The following SPARC variants were observed in gnomAD, a reference collection of about 807,000 sequenced individuals.
SPARC encodes the protein secreted protein acidic and cysteine rich, also known as basement-membrane protein 40.
Under a neutral mutation model 37.7 loss-of-function variants are expected in SPARC, and 23 were observed. That is an observed-to-expected ratio of 0.61 (90% CI 0.44 to 0.87). SPARC has a LOEUF of 0.87. Among genes scored for constraint, SPARC ranks in the 40% least tolerant of loss-of-function variants. The pLI is 0.00. For missense variants in SPARC, 312 were observed against 389.0 expected (o/e 0.80, Z 1.66); for synonymous variants, 155 against 150.8 (o/e 1.03, Z -0.20).
intron 1 of SPARC, among the ~76,000 whole-genome samples, chr5:151,678,778 T>A (rs528098388): frequency 6.6e-6 from 1 of 152,216 alleles, no homozygotes; most frequent in South Asian, 2.1e-4. Context: ...ACCTTAAAAG[T>A]TTTGGAAGAA....
At chr5:151,664,538 G>C (rs1424986699) in intron 8 of SPARC, among the ~76,000 whole-genome samples, 1 of 152,158 alleles carries the variant, frequency 6.6e-6, no homozygotes, top group East Asian at 1.9e-4. Context: ...GGTCTGTTTG[G>C]TGTATTTGAT....
intron 1 of SPARC, 88 bp from the exon 2 acceptor site, chr5:151,676,289 G>C (rs1167401955): frequency 1.1e-6 from 1 of 879,016 alleles, no homozygotes; most frequent in Admixed American, 2.2e-5. Context: ...GCAAGATAAT[G>C]TTAGATGGTA....
At chr5:151,679,389 C>T (rs1307474984) in intron 1 of SPARC, 1 of 152,200 alleles carries the variant, frequency 6.6e-6, no homozygotes, top group Non-Finnish European at 1.5e-5. Context: ...GCAACCCTAC[C>T]CCACCACTGG....
At position 151,671,692 on chromosome 5, in the gene SPARC, G is replaced by GATC; in HGVS notation, c.209-1_210dup (p.Asn70_Pro71insAsp). 1 of 1,613,692 alleles carries GATC rather than the reference G, an allele frequency of 6.2e-7. No individual in the cohort carries two copies. Among genetic ancestry groups the GATC allele is most frequent in the Non-Finnish European group, 8.5e-7 (1 of 1,179,792 alleles). ...TGTTTGCAGTGGTGGTTCTGGCAGG[G>GATC]ATCTGTAGGGCAGAAAGACAAGGGA... On this transcript the variant is annotated inframe_insertion and splice_region_variant, in exon 5 of 10. Coordinates refer to ENST00000231061, the MANE Select transcript of SPARC (RefSeq NM_003118.4).
intron 1 of SPARC, among the ~76,000 whole-genome samples, chr5:151,681,983 T>G (rs1007110423): frequency 4.6e-5 from 7 of 152,314 alleles, no homozygotes; most frequent in Non-Finnish European, 1.0e-4. Flanking sequence ...CTAAGATACC[T>G]TGGAACATCT....
chr5:151,671,636 G>A lies in SPARC; in HGVS notation c.267C>T (p.Asn89=). 1 of 1,610,820 alleles carries A rather than the reference G, an allele frequency of 6.2e-7. No homozygotes were observed. Among genetic ancestry groups the A allele is most frequent in the Non-Finnish European group, 8.5e-7 (1 of 1,178,262 alleles). ...HGKVCELDEN[N]TPMCVCQDPT... Reference sequence around the variant, plus strand: ...GGTCCTGGCACACGCACATGGGGGTGTTGTTCTCATCCAGCTCGCACACCT... The same window carrying A: ...GGTCCTGGCACACGCACATGGGGGTATTGTTCTCATCCAGCTCGCACACCT... The change falls in exon 5 of 10, where the codon AAC becomes AAT. Residue 89 remains asparagine, a synonymous_variant. Transcript: ENST00000231061.
rs780104313 is a variant in SPARC at position 151,663,616 on chromosome 5, G to A, written c.884-17C>T. 4 of 1,613,784 alleles carry A rather than the reference G, an allele frequency of 2.5e-6. No individual in the cohort carries two copies. The highest frequency in any genetic ancestry group is 3.4e-6 in the Non-Finnish European group (4 of 1,179,780). ...CGATATCCTCTGCAAAGCAAGAAAA[G>A]AGCACGGTTAAAAATAAGGCTGTGT... On this transcript the variant is annotated splice_polypyrimidine_tract_variant and intron_variant, in intron 9 of 9. Transcript: ENST00000231061.
chr5:151,680,738 G>T (rs555186911), intron 1 of SPARC, among the ~76,000 whole-genome samples: 1 of 152,152 alleles, frequency 6.6e-6, no homozygotes, highest in Non-Finnish European at 1.5e-5. Context: ...GCCTCAATTT[G>T]TTCCCCAATG....
In SPARC at chr5:151,662,269, G is replaced by C. The variant is rs1255530204; in HGVS notation, c.*1302C>G. ...TGCTTACAGGAACCATACACTCCCT[G>C]TGTATAAACATGCCGGTGTGTGTGT... is the stretch of plus-strand genomic sequence containing the variant. On this transcript the variant is annotated 3_prime_UTR_variant, in exon 10 of 10. Transcript: ENST00000231061. 6.6e-6 allele frequency: 1 copy of C among 152,576 alleles called. No homozygotes were observed. Among genetic ancestry groups the C allele is most frequent in the Non-Finnish European group, 1.5e-5 (1 of 68,050 alleles). The allele number at this position is 152,576 out of a possible 1,614,324, so 9.5% of individuals were successfully genotyped here.
Position 151,661,850 on chromosome 5 carries a change from T to A in SPARC, c.*1721A>T, listed in dbSNP as rs1020162508. On this transcript the variant is annotated 3_prime_UTR_variant, in exon 10 of 10. Transcript: ENST00000231061. ...AATTTAAATTTAAATCTTAAAAAGTTACATGTGGGTAGTGGCTGCCGTACG... is the reference window on the plus strand; with the variant it reads ...AATTTAAATTTAAATCTTAAAAAGTAACATGTGGGTAGTGGCTGCCGTACG... 6.6e-6 allele frequency: 1 copy of A among 152,218 alleles called. No individual in the cohort carries two copies. The highest frequency in any genetic ancestry group is 1.5e-5 in the Non-Finnish European group (1 of 68,028). The allele number at this position is 152,218 out of a possible 1,614,324, so 9.4% of individuals were successfully genotyped here.
At chr5:151,671,428 T>G in intron 5 of SPARC, 145 bp downstream of exon 5, 1 of 991,604 alleles carries the variant, frequency 1.0e-6, no homozygotes, top group Non-Finnish European at 1.5e-6. Context: ...TCATCCCCTC[T>G]TTCCTGCTGG....
At chr5:151,672,387 C>T (rs1322957794) in intron 4 of SPARC, among the ~76,000 whole-genome samples, 1 of 152,146 alleles carries the variant, frequency 6.6e-6, no homozygotes, top group Non-Finnish European at 1.5e-5. Context: ...GATGCCTACT[C>T]AGCTTGTCTG....
chr5:151,676,971 T>C (rs186598384), intron 1 of SPARC: 2 of 152,360 alleles, frequency 1.3e-5, no homozygotes, highest in Admixed American at 6.5e-5. Context: ...CTTTAGGTCC[T>C]GTACGGAAAC....
intron 4 of SPARC, chr5:151,672,614 C>G (rs1360591803): frequency 6.4e-6 from 1 of 155,938 alleles, no homozygotes; most frequent in African/African-American, 2.4e-5. Flanking sequence ...CATTTCTCTC[C>G]CAGGGCACTA....
In SPARC at chr5:151,676,180, G is replaced by T; in HGVS notation, c.9C>A (p.Ala3=). Residue 3 remains alanine, a synonymous_variant, in exon 2 of 10, where the codon GCC becomes GCA. Transcript: ENST00000231061. MR[A]WIFFLLCLAG... Reference sequence around the variant, plus strand: ...CCAGGCAAAGGAGAAAGAAGATCCAGGCCCTCATGGTGCTGGGAACCCTAT... The same window carrying T: ...CCAGGCAAAGGAGAAAGAAGATCCATGCCCTCATGGTGCTGGGAACCCTAT... 1.2e-6 allele frequency: 2 copies of T among 1,611,542 alleles called. No individual in the cohort carries two copies.
At position 151,674,676 on chromosome 5, in the gene SPARC, T is replaced by C; in HGVS notation, c.58-2A>G. On this transcript the variant is annotated splice_acceptor_variant, in intron 2 of 9. Coordinates refer to ENST00000231061, the MANE Select transcript of SPARC (RefSeq NM_003118.4). LOFTEE classifies it high-confidence loss of function. ...CTCATCAGGCAGGGCTTCTTGCTGC[T>C]GTTGGAAAGAGAAAGTAGCGTTCAG... The C allele has an allele frequency of 6.2e-7, 1 of 1,614,146 alleles. No homozygotes were observed. The highest frequency in any genetic ancestry group is 8.5e-7 in the Non-Finnish European group (1 of 1,180,018).
At chr5:151,665,933 G>T (rs1760609874) in intron 8 of SPARC, among the ~76,000 whole-genome samples, 1 of 152,174 alleles carries the variant, frequency 6.6e-6, no homozygotes, top group African/African-American at 2.4e-5. Context: ...GGTCAGTTGG[G>T]CCCTATTGGG....
chr5:151,663,152 G>A lies in SPARC; in HGVS notation c.*419C>T, dbSNP rs1276123323. On this transcript the variant is annotated 3_prime_UTR_variant, in exon 10 of 10. Coordinates refer to ENST00000231061, the MANE Select transcript of SPARC (RefSeq NM_003118.4). ...CTTTGCCCACCTCCAGGCCACCTGG[G>A]GAAGCCCACAGGCAGCCAAGACCCT... is the stretch of plus-strand genomic sequence containing the variant. 6.0e-6 allele frequency: 1 copy of A among 167,908 alleles called. No homozygotes were observed. The highest frequency in any genetic ancestry group is 1.3e-5 in the Non-Finnish European group (1 of 78,204). The allele number at this position is 167,908 out of a possible 1,614,324, so 10.4% of individuals were successfully genotyped here.
chr5:151,673,355 T>A (rs1581525428), intron 3 of SPARC, 139 bp from the exon 4 acceptor site: 2 of 693,554 alleles, frequency 2.9e-6, no homozygotes, highest in East Asian at 5.1e-5. Context: ...CTGCTGTGTT[T>A]TGCAGTATGC....
Sources: gnomAD v4.1 joint callset for allele counts (sites outside exome capture counted in the v4.1 genomes callset) on GRCh38, gnomAD v4.1.1 for gene constraint, MANE v1.5 for transcripts, NCBI Gene and HGNC (gene_info 2026-07-23, HGNC 2026-07-21) for gene names.